TENM2: variants seen among roughly 807,000 people sequenced by gnomAD.
The protein encoded by TENM2 is teneurin-2.
A neutral mutation model predicts 245.2 loss-of-function variants in TENM2; 52 were observed. The ratio of observed to expected loss-of-function variants is 0.21; its 90% CI spans 0.17 to 0.27. TENM2 has a LOEUF of 0.27. Ranked by LOEUF, TENM2 falls within the 10% of genes least tolerant of loss-of-function variation. The pLI is 1.00. For missense variants in TENM2, 3,046 were observed against 3,666.8 expected, an observed-to-expected ratio of 0.83 and a Z score of 4.37; for synonymous variants, 1,363 against 1,438.9, an observed-to-expected ratio of 0.95 and a Z score of 1.19.
At chr5:168,213,494 GC>G (rs1762941926) in intron 20 of TENM2, among the ~76,000 whole-genome samples, 1 of 151,770 alleles carries the variant, frequency 6.6e-6, no homozygotes, top group African/African-American at 2.4e-5. Flanking sequence ...ACCTCTCCCA[GC>G]CCCTGTCTTC....
chr5:167,090,483 G>A, the TENM2 span, among the ~76,000 whole-genome samples: 1 of 152,190 alleles, frequency 6.6e-6, no homozygotes, highest in African/African-American at 2.4e-5. Flanking sequence ...TTTCACTGAT[G>A]TATGAGCTTC....
the TENM2 span, among the ~76,000 whole-genome samples, chr5:167,185,336 G>A: frequency 1.3e-5 from 2 of 152,108 alleles, no homozygotes; most frequent in African/African-American, 2.4e-5. Flanking sequence ...TTAATGTGCT[G>A]ATGTGATATT....
intron 27 of TENM2, among the ~76,000 whole-genome samples, chr5:168,253,145 T>G (rs1044847755): frequency 1.3e-5 from 2 of 151,852 alleles, no homozygotes; most frequent in Non-Finnish European, 2.9e-5. Context: ...TTTTTTGTAT[T>G]TTTAGTAGAG....
intron 2 of TENM2, among the ~76,000 whole-genome samples, chr5:167,860,098 C>CGGGA (rs1771604657): frequency 1.8e-5 from 1 of 56,322 alleles, no homozygotes; most frequent in African/African-American, 6.3e-5. Flanking sequence ...CCGCCCCGTC[C>CGGGA]GGGAGGTGAG....
intron 12 of TENM2, among the ~76,000 whole-genome samples, chr5:168,134,963 C>T (rs1464514060): frequency 1.3e-5 from 2 of 152,304 alleles, no homozygotes; most frequent in East Asian, 3.9e-4. Flanking sequence ...GAGGATGCTG[C>T]CTAGCCAGCG....
chr5:167,848,813 C>T (rs974848501), intron 2 of TENM2, among the ~76,000 whole-genome samples: 10 of 152,162 alleles, frequency 6.6e-5, no homozygotes, highest in African/African-American at 2.2e-4. Context: ...GGAGGCTAAA[C>T]GTCTTCCCCA....
chr5:167,297,872 A>T (rs1755047187), intron 1 of TENM2, among the ~76,000 whole-genome samples: 3 of 152,052 alleles, frequency 2.0e-5, no homozygotes, highest in South Asian at 4.2e-4. Context: ...AGCCAGGATG[A>T]GCCAGGAGAA....
At chr5:168,209,208 A>G (rs1311380204) in intron 19 of TENM2, among the ~76,000 whole-genome samples, 1 of 152,208 alleles carries the variant, frequency 6.6e-6, no homozygotes, top group African/African-American at 2.4e-5. Flanking sequence ...GAGTTATAAA[A>G]TTGGGGAAAA....
Position 168,180,957 on chromosome 5 carries a change from G to T in TENM2, c.2570-9380G>T, listed in dbSNP as rs145464431. On this transcript the variant is annotated intron_variant, in intron 13 of 28. Transcript: ENST00000518659. ...CCCAATATTTAGTCTCAGGAATTCAGTACGTCTGGGTTGATGGCATCTTAA... is the reference window on the plus strand; with the variant it reads ...CCCAATATTTAGTCTCAGGAATTCATTACGTCTGGGTTGATGGCATCTTAA... Among the ~76,000 whole-genome samples, 212 of 151,948 alleles carry T rather than the reference G, an allele frequency of 1.4e-3. 1 individual carries two copies. The highest frequency in any genetic ancestry group is 4.7e-3 in the African/African-American group (195 of 41,410).
intron 2 of TENM2, among the ~76,000 whole-genome samples, chr5:167,389,268 A>C (rs1190638120): frequency 1.4e-5 from 2 of 142,352 alleles, no homozygotes; most frequent in African/African-American, 2.6e-5. Flanking sequence ...ATATATATAT[A>C]TATCCATGCA....
the TENM2 span, among the ~76,000 whole-genome samples, chr5:167,150,510 A>G: frequency 3.3e-5 from 5 of 152,350 alleles, no homozygotes; most frequent in African/African-American, 1.2e-4. Flanking sequence ...TTGAGTGTTT[A>G]TGAATTGACT....
intron 2 of TENM2, among the ~76,000 whole-genome samples, chr5:167,489,815 C>G (rs893650116): frequency 4.6e-5 from 7 of 152,208 alleles, no homozygotes; most frequent in African/African-American, 1.7e-4. Flanking sequence ...ATTTTTACAA[C>G]TTAGTAATAC....
chr5:168,133,616 T>C (rs1322329512), intron 12 of TENM2, among the ~76,000 whole-genome samples: 3 of 152,210 alleles, frequency 2.0e-5, no homozygotes, highest in African/African-American at 7.2e-5. Context: ...TGTTGAATTA[T>C]TGAGGATAGT....
intron 14 of TENM2, among the ~76,000 whole-genome samples, chr5:168,193,438 A>G (rs1203264948): frequency 6.6e-6 from 1 of 152,254 alleles, no homozygotes; most frequent in Non-Finnish European, 1.5e-5. Flanking sequence ...GATAATTGTT[A>G]CACATCAATA....
At chr5:167,044,155 G>T in the TENM2 span, among the ~76,000 whole-genome samples, 1 of 152,128 alleles carries the variant, frequency 6.6e-6, no homozygotes, top group Non-Finnish European at 1.5e-5. Context: ...AGAAGACATA[G>T]GCTATCTGAT....
intron 2 of TENM2, among the ~76,000 whole-genome samples, chr5:167,410,455 A>T (rs901041319): frequency 1.3e-5 from 2 of 152,034 alleles, no homozygotes; most frequent in African/African-American, 4.8e-5. Flanking sequence ...CATCTTTATC[A>T]TATCTGCATT....
chr5:167,873,069 C>A (rs1028068072), intron 2 of TENM2, among the ~76,000 whole-genome samples: 1 of 152,196 alleles, frequency 6.6e-6, no homozygotes, highest in Non-Finnish European at 1.5e-5. Context: ...CTGTTCCTAC[C>A]AGAGCCTCGC....
chr5:166,986,985 C>T, the TENM2 span, among the ~76,000 whole-genome samples: 1 of 152,034 alleles, frequency 6.6e-6, no homozygotes, highest in East Asian at 1.9e-4. Context: ...CAGAATAAAA[C>T]TTGCTCTCAG....
intron 1 of TENM2, among the ~76,000 whole-genome samples, chr5:167,369,978 A>T (rs996642121): frequency 1.3e-5 from 2 of 152,158 alleles, no homozygotes; most frequent in African/African-American, 4.8e-5. Flanking sequence ...TCTCTCCTTA[A>T]AATTGCATCC....
Sources: gnomAD v4.1 joint callset for allele counts (sites outside exome capture counted in the v4.1 genomes callset) on GRCh38, gnomAD v4.1.1 for gene constraint, MANE v1.5 for transcripts, NCBI Gene and HGNC (gene_info 2026-07-23, HGNC 2026-07-21) for gene names.